RANBP2: variants seen among roughly 807,000 people sequenced by gnomAD.
RANBP2 encodes RAN binding protein 2.
Under a neutral mutation model 303.6 loss-of-function variants are expected in RANBP2, and 57 were observed. The observed-to-expected ratio is 0.19, with a 90% CI of 0.15 to 0.23. The LOEUF (loss-of-function observed/expected upper bound fraction) is 0.23. Among genes scored for constraint, RANBP2 ranks in the 10% least tolerant of loss-of-function variants. The pLI is 1.00. For missense variants in RANBP2, 3,138 were observed against 3,780.8 expected (o/e 0.83, Z 4.46); for synonymous variants, 1,167 against 1,301.5 (o/e 0.90, Z 2.23).
At chr2:109,325,601 A>G in the RANBP2 span, among the ~76,000 whole-genome samples, 1 of 151,894 alleles carries the variant, frequency 6.6e-6, no homozygotes, top group Admixed American at 6.6e-5. Flanking sequence ...TTAATCCAAA[A>G]CAGTTACAGA....
chr2:108,868,279 A>G, the RANBP2 span, among the ~76,000 whole-genome samples: 4 of 152,198 alleles, frequency 2.6e-5, no homozygotes, highest in Non-Finnish European at 2.9e-5. Context: ...CAGGGAGTCC[A>G]TGGTGCCCCT....
chr2:109,036,837 G>A, the RANBP2 span, among the ~76,000 whole-genome samples: 5 of 152,164 alleles, frequency 3.3e-5, no homozygotes, highest in East Asian at 5.8e-4. Flanking sequence ...GCAAAACCCC[G>A]TCTCTTCAAA....
chr2:108,723,314 CTA>C (rs1694430594), intron 1 of RANBP2, among the ~76,000 whole-genome samples: 1 of 149,714 alleles, frequency 6.7e-6, no homozygotes, highest in African/African-American at 2.5e-5. Flanking sequence ...GAGACTCGCT[CTA>C]TCGTCCAGGC....
At chr2:109,051,969 C>T in the RANBP2 span, among the ~76,000 whole-genome samples, 5 of 152,104 alleles carry the variant, frequency 3.3e-5, no homozygotes, top group Admixed American at 6.6e-5. Flanking sequence ...AGGATGGTCT[C>T]GATCTCCTGA....
At chr2:109,326,155 T>C in the RANBP2 span, among the ~76,000 whole-genome samples, 2 of 152,258 alleles carry the variant, frequency 1.3e-5, no homozygotes, top group African/African-American at 4.8e-5. Flanking sequence ...TTTATCTATC[T>C]GTTCTTGGTG....
chr2:109,604,961 G>C, the RANBP2 span: 6 of 152,094 alleles, frequency 3.9e-5, no homozygotes, highest in East Asian at 9.6e-4. Context: ...GAATAGGAGA[G>C]GAATCAGCAC....
chr2:108,873,622 GA>G, the RANBP2 span: 1 of 1,447,138 alleles, frequency 6.9e-7, no homozygotes, highest in Non-Finnish European at 9.6e-7. Context: ...ATTTTTTATT[GA>G]AAAATACCTT....
the RANBP2 span, among the ~76,000 whole-genome samples, chr2:109,494,745 C>T: frequency 1.3e-5 from 2 of 151,928 alleles, no homozygotes; most frequent in East Asian, 3.9e-4. Context: ...GGTTTCCACC[C>T]CAAAATGCCA....
chr2:108,787,710 T>C (rs957671868), downstream of RANBP2, among the ~76,000 whole-genome samples: 1 of 152,142 alleles, frequency 6.6e-6, no homozygotes, highest in Non-Finnish European at 1.5e-5. Context: ...TCTGTAAGGT[T>C]GTTTTTTTTT....
At chr2:109,075,798 G>A in the RANBP2 span, among the ~76,000 whole-genome samples, 1 of 150,278 alleles carries the variant, frequency 6.7e-6, no homozygotes, top group Non-Finnish European at 1.5e-5. Flanking sequence ...CTTAACAGAT[G>A]AGTTACAAAT....
At chr2:109,340,254 AG>A in the RANBP2 span, among the ~76,000 whole-genome samples, 3 of 152,130 alleles carry the variant, frequency 2.0e-5, no homozygotes, top group East Asian at 3.9e-4. Context: ...CTATCGGTAA[AG>A]TGCAGATAAT....
chr2:109,211,829 G>A, the RANBP2 span, among the ~76,000 whole-genome samples: 3 of 152,086 alleles, frequency 2.0e-5, no homozygotes, highest in African/African-American at 7.2e-5. Flanking sequence ...TTTTAGGAGA[G>A]ACAGGGTTTC....
the RANBP2 span, among the ~76,000 whole-genome samples, chr2:109,373,445 A>AT: frequency 4.6e-5 from 7 of 152,262 alleles, no homozygotes; most frequent in African/African-American, 1.7e-4. Context: ...AAAATGCAGT[A>AT]TATCCATACA....
the RANBP2 span, among the ~76,000 whole-genome samples, chr2:109,682,265 TA>T: frequency 1.3e-5 from 2 of 152,162 alleles, no homozygotes; most frequent in Non-Finnish European, 2.9e-5. Flanking sequence ...GATGCCCAGG[TA>T]AATGTGAATC....
the RANBP2 span, chr2:109,347,572 A>G: frequency 4.1e-6 from 6 of 1,468,390 alleles, no homozygotes; most frequent in East Asian, 1.2e-4. Context: ...CACCCCCAGG[A>G]CACAGAAAGC....
At chr2:109,539,400 C>T in the RANBP2 span, among the ~76,000 whole-genome samples, 6 of 152,146 alleles carry the variant, frequency 3.9e-5, no homozygotes, top group Admixed American at 2.0e-4. Context: ...ATTCTACCAC[C>T]CCAAAAGGTT....
At chr2:109,368,912 G>A in the RANBP2 span, among the ~76,000 whole-genome samples, 2 of 151,494 alleles carry the variant, frequency 1.3e-5, no homozygotes, top group African/African-American at 2.4e-5. Context: ...AGGCTGATCT[G>A]AGCTGGGCCA....
the RANBP2 span, among the ~76,000 whole-genome samples, chr2:109,527,109 C>T: frequency 3.9e-5 from 6 of 152,340 alleles, no homozygotes; most frequent in Middle Eastern, 3.4e-3. Context: ...CACACACACA[C>T]GTGCACAAAT....
the RANBP2 span, among the ~76,000 whole-genome samples, chr2:109,330,538 C>G: frequency 6.6e-6 from 1 of 152,142 alleles, no homozygotes; most frequent in African/African-American, 2.4e-5. Flanking sequence ...TGTCTAGTAC[C>G]TCACACAGGC....
Sources: allele counts gnomAD v4.1 joint callset (sites outside exome capture counted in the v4.1 genomes callset), GRCh38; gene constraint gnomAD v4.1.1; transcripts MANE v1.5; gene names NCBI Gene and HGNC (gene_info 2026-07-23, HGNC 2026-07-21).